Variants in LIMCH1 observed in about 807,000 individuals in gnomAD.
The protein encoded by LIMCH1 is LIM and calponin homology domains-containing protein 1.
LIMCH1 carries 113 observed loss-of-function variants against 176.5 expected under a neutral mutation model. The ratio of observed to expected loss-of-function variants is 0.64; its 90% CI spans 0.55 to 0.75. The LOEUF (loss-of-function observed/expected upper bound fraction) is 0.75. LIMCH1 is among the 30% of genes least tolerant of loss of function. The pLI, the probability that LIMCH1 is intolerant of heterozygous loss-of-function variation, is 0.00. For missense variants in LIMCH1, 1,674 were observed against 1,814.9 expected (o/e 0.92, Z 1.41); for synonymous variants, 619 against 645.9 (o/e 0.96, Z 0.63).
At chr4:41,421,702 C>A (rs1347044505) in intron 1 of LIMCH1, among the ~76,000 whole-genome samples, 2 of 152,014 alleles carry the variant, frequency 1.3e-5, no homozygotes, top group African/African-American at 4.8e-5. Flanking sequence ...AGTGTTATTT[C>A]CAATATTAAA....
chr4:41,525,386 T>C (rs1056889297), intron 3 of LIMCH1, among the ~76,000 whole-genome samples: 54 of 152,324 alleles, frequency 3.5e-4, no homozygotes, highest in Non-Finnish European at 6.9e-4. Flanking sequence ...GGATCCTACG[T>C]AGACCTTACT....
intron 22 of LIMCH1, 117 bp from the exon 23 acceptor site, chr4:41,676,247 GTTTAGATATATGAAGCCT>G: frequency 1.7e-6 from 1 of 582,116 alleles, no homozygotes; most frequent in South Asian, 2.6e-5. Flanking sequence ...CAAAGAGGAT[GTTTAGATATATGAAGCCT>G]TCTGCTCCTG....
chr4:41,360,964 T>C lies in LIMCH1; in HGVS notation c.96+28T>C. 4 of 1,522,356 alleles carry C rather than the reference T, an allele frequency of 2.6e-6. No homozygotes were observed. The highest frequency in any genetic ancestry group is 5.0e-5 in the East Asian group (2 of 39,926). The allele number at this position is 1,522,356 out of a possible 1,614,324, so 94.3% of individuals were successfully genotyped here. ...AGGTGCGGGTGGCTGGCGGGCGGCC[T>C]TGCACTGGCGCCCTGAGCCACGGAC... On this transcript the variant is annotated intron_variant, in intron 1 of 26. Coordinates refer to the LIMCH1 transcript ENST00000313860. This position sits in a 1 kb window ranked among gnomAD's most constrained non-coding sequence, Gnocchi z 4.5.
intron 1 of LIMCH1, among the ~76,000 whole-genome samples, chr4:41,454,328 T>G (rs968851184): frequency 2.6e-5 from 4 of 152,186 alleles, no homozygotes; most frequent in Admixed American, 2.6e-4. Flanking sequence ...AAATGATTTC[T>G]GTTTCATTAG....
At chr4:41,678,711 T>A (rs77612216) in intron 23 of LIMCH1, among the ~76,000 whole-genome samples, 11,050 of 150,764 alleles carry the variant, frequency 0.073, 490 homozygotes, top group South Asian at 0.14. Flanking sequence ...GGGGAGGGTG[T>A]GAGAGAGAGA....
Position 41,689,593 on chromosome 4 carries a change from C to A in LIMCH1, c.4233C>A (p.Ile1411=). 6 of 1,612,222 alleles carry A rather than the reference C, an allele frequency of 3.7e-6. No homozygotes were observed. The South Asian group carries it at 5.5e-5, about 15-fold the overall frequency. The part of the protein sequence containing the change: ...GLPLGKGAAM[I]IETLNLYFHI... Reference sequence around the variant, plus strand: ...CTTTGGGTAAAGGAGCTGCAATGATCATCGAGACCCTCAATCTCTATTTTC... The same window carrying A: ...CTTTGGGTAAAGGAGCTGCAATGATAATCGAGACCCTCAATCTCTATTTTC... The change falls in exon 30 of 32, where the codon ATC becomes ATA. Residue 1411 remains isoleucine, a synonymous_variant. Coordinates refer to ENST00000503057, the MANE Select transcript of LIMCH1 (RefSeq NM_001330672.2).
At chr4:41,682,672 C>CTTT (rs1479823691) in intron 26 of LIMCH1, among the ~76,000 whole-genome samples, 25 of 139,906 alleles carry the variant, frequency 1.8e-4, no homozygotes, top group African/African-American at 4.0e-4. Context: ...TTTTTTTCTT[C>CTTT]TTCTTCTTTT....
At chr4:41,556,633 T>C (rs2081307925) in intron 1 of LIMCH1, among the ~76,000 whole-genome samples, 1 of 152,094 alleles carries the variant, frequency 6.6e-6, no homozygotes, top group Non-Finnish European at 1.5e-5. Flanking sequence ...AACTGAGACT[T>C]AGATGAATTA....
intron 1 of LIMCH1, among the ~76,000 whole-genome samples, chr4:41,421,730 G>A (rs1310018923): frequency 6.6e-6 from 1 of 152,158 alleles, no homozygotes. Flanking sequence ...GAACTGTCCT[G>A]TGAGGCAAAA....
intron 20 of LIMCH1, among the ~76,000 whole-genome samples, chr4:41,663,851 C>CAAAAAAAAAAAA (rs2094718425): frequency 2.2e-5 from 1 of 45,270 alleles, no homozygotes; most frequent in African/African-American, 1.5e-4. Context: ...GTCTTCATCT[C>CAAAAAAAAAAAA]TAAAAAAAAA....
chr4:41,676,767 C>T (rs1165637827), intron 23 of LIMCH1, among the ~76,000 whole-genome samples: 1 of 152,164 alleles, frequency 6.6e-6, no homozygotes, highest in Non-Finnish European at 1.5e-5. Flanking sequence ...AGTCAATTTC[C>T]AGTCAAGTAG....
At position 41,604,087 on chromosome 4, in the gene LIMCH1, G is replaced by A. The variant is rs562385166; in HGVS notation, c.-103+182G>A. 8 of 520,856 alleles carry A rather than the reference G, an allele frequency of 1.5e-5. No individual in the cohort carries two copies. The South Asian group carries it at 6.7e-4, about 44-fold the overall frequency. The allele number at this position is 520,856 out of a possible 1,614,324, so 32.3% of individuals were successfully genotyped here. A position where few individuals can be genotyped will look rare whatever the true frequency, so the allele number is the denominator to read the frequency against. Reference sequence around the variant, plus strand: ...GTAAATTGTGTATGTGTTGGGCTGGGGTGGTGGTGGTTCTCTTTATTTAGA... The same window carrying A: ...GTAAATTGTGTATGTGTTGGGCTGGAGTGGTGGTGGTTCTCTTTATTTAGA... On this transcript the variant is annotated intron_variant, in intron 3 of 31. Transcript: ENST00000503057.
chr4:41,635,078 G>A (rs777402107), intron 13 of LIMCH1, among the ~76,000 whole-genome samples: 8 of 152,240 alleles, frequency 5.3e-5, no homozygotes, highest in Middle Eastern at 3.4e-3. Context: ...TCTGCATTTT[G>A]CAGTTAGGAA....
intron 1 of LIMCH1, among the ~76,000 whole-genome samples, chr4:41,417,472 C>T (rs1043173943): frequency 3.3e-5 from 5 of 152,092 alleles, no homozygotes; most frequent in South Asian, 4.1e-4. Context: ...CCCTGATAGG[C>T]GATCCATCCA....
chr4:41,583,835 A>G (rs1265857444), intron 1 of LIMCH1, among the ~76,000 whole-genome samples: 7 of 149,562 alleles, frequency 4.7e-5, no homozygotes, highest in South Asian at 2.1e-4. Flanking sequence ...CTTCCTTTTC[A>G]TACACATTTT....
At chr4:41,553,181 T>C (rs995236835) in intron 1 of LIMCH1, among the ~76,000 whole-genome samples, 1 of 152,222 alleles carries the variant, frequency 6.6e-6, no homozygotes, top group African/African-American at 2.4e-5. Context: ...TCTGTTATCA[T>C]GTGACTGTCT....
intron 1 of LIMCH1, among the ~76,000 whole-genome samples, chr4:41,397,078 CT>C (rs1393420638): frequency 1.3e-5 from 2 of 152,092 alleles, no homozygotes; most frequent in Admixed American, 6.6e-5. Flanking sequence ...GTGCTCCTTG[CT>C]GGTTATTTAT....
At chr4:41,399,238 C>T (rs2058115358) in intron 1 of LIMCH1, among the ~76,000 whole-genome samples, 1 of 151,944 alleles carries the variant, frequency 6.6e-6, no homozygotes, top group Admixed American at 6.6e-5. Flanking sequence ...ACAATTCAGA[C>T]TTCATTATTT....
chr4:41,505,383 G>C (rs1299395534), intron 2 of LIMCH1, among the ~76,000 whole-genome samples: 1 of 152,184 alleles, frequency 6.6e-6, no homozygotes, highest in Non-Finnish European at 1.5e-5. Context: ...CGGGATGAAG[G>C]CATTTGGATT....
Sources: allele counts gnomAD v4.1 joint callset (sites outside exome capture counted in the v4.1 genomes callset), GRCh38; gene constraint gnomAD v4.1.1; non-coding constraint Gnocchi (gnomAD v3.1); transcripts MANE v1.5; gene names NCBI Gene and HGNC (gene_info 2026-07-23, HGNC 2026-07-21).